Variants in COG5 observed in about 807,000 individuals in gnomAD.
COG5 encodes component of oligomeric golgi complex 5.
Under a neutral mutation model 110.4 loss-of-function variants are expected in COG5, and 86 were observed. That is an observed-to-expected ratio of 0.78 (90% CI 0.65 to 0.93). COG5 has a LOEUF of 0.93. Among genes scored for constraint, COG5 ranks in the 40% least tolerant of loss-of-function variants. The pLI, the probability that COG5 is intolerant of heterozygous loss-of-function variation, is 0.00. For synonymous variants in COG5, 360 were observed against 334.6 expected, an observed-to-expected ratio of 1.08 and a Z score of -0.83; for missense variants, 1,077 against 987.0, an observed-to-expected ratio of 1.09 and a Z score of -1.22.
chr7:107,363,822 T>C (rs1017688395), intron 8 of COG5, among the ~76,000 whole-genome samples: 2 of 151,818 alleles, frequency 1.3e-5, no homozygotes, highest in Admixed American at 6.6e-5. Context: ...AGGCATGGTG[T>C]TGCATGCCTG....
At chr7:107,456,751 A>T (rs1217820009) in intron 6 of COG5, among the ~76,000 whole-genome samples, 1 of 152,190 alleles carries the variant, frequency 6.6e-6, no homozygotes, top group Non-Finnish European at 1.5e-5. Flanking sequence ...ACTACCAGAA[A>T]ATCTGCAAAA....
At chr7:107,208,978 TAGC>T (rs1163639937) in intron 21 of COG5, 1 of 977,380 alleles carries the variant, frequency 1.0e-6, no homozygotes, top group Non-Finnish European at 1.2e-6. Flanking sequence ...GAAATCCTGA[TAGC>T]AGGCCTACCC....
Position 107,328,419 on chromosome 7 carries a change from C to A in COG5, c.1027-3898G>T, listed in dbSNP as rs927617465. 2.3e-4 allele frequency among the ~76,000 whole-genome samples: 35 copies of A among 152,250 alleles called. 1 individual carries two copies. The highest frequency in any genetic ancestry group is 7.5e-4 in the African/African-American group (31 of 41,548). ...ATTATGTGGTGTATGACTGTACTTA[C>A]AATAGAACACTCTTCAGTCTTAAAA... On this transcript the variant is annotated intron_variant, in intron 10 of 21. Transcript: ENST00000297135.
chr7:107,553,781 GA>G, intron 3 of COG5, among the ~76,000 whole-genome samples: 1 of 151,822 alleles, frequency 6.6e-6, no homozygotes, highest in Non-Finnish European at 1.5e-5. Flanking sequence ...GCAAAAATAA[GA>G]AAAAAAATTC....
At chr7:107,312,795 G>A (rs1808395101) in intron 11 of COG5, among the ~76,000 whole-genome samples, 1 of 145,414 alleles carries the variant, frequency 6.9e-6, no homozygotes, top group African/African-American at 2.4e-5. Context: ...AATTAAAGAA[G>A]GCTTATCTAT....
Position 107,474,520 on chromosome 7 carries a change from A to G in COG5, c.538+52717T>C, listed in dbSNP as rs1478120886. The G allele has an allele frequency of 3.1e-6, 5 of 1,612,478 alleles. No homozygotes were observed. The highest frequency in any genetic ancestry group is 1.3e-5 in the African/African-American group (1 of 74,866). On this transcript the variant is annotated intron_variant, in intron 6 of 21. Transcript: ENST00000297135. The surrounding 1 kb of genome is among the most constrained non-coding windows in gnomAD (Gnocchi z 5.7). ...AAAACCTGCAAACCGAATTCTGACA[A>G]TGGGCAGAGCTGTAATGTTAATGAT...
At chr7:107,261,425 TAATAAG>T (rs1803340005) in intron 14 of COG5, among the ~76,000 whole-genome samples, 1 of 152,182 alleles carries the variant, frequency 6.6e-6, no homozygotes, top group South Asian at 2.1e-4. Flanking sequence ...GTGTATTTCC[TAATAAG>T]AATATTTTCT....
intron 10 of COG5, among the ~76,000 whole-genome samples, chr7:107,334,330 T>A (rs544192915): frequency 6.6e-6 from 1 of 152,204 alleles, no homozygotes; most frequent in South Asian, 2.1e-4. Flanking sequence ...TTTCCACTCA[T>A]AAGCAGAAGC....
At chr7:107,485,524 A>C (rs117830087) in intron 6 of COG5, among the ~76,000 whole-genome samples, 1 of 152,310 alleles carries the variant, frequency 6.6e-6, no homozygotes, top group Non-Finnish European at 1.5e-5. Context: ...AGCTTCTCAA[A>C]CTACATAAAT....
chr7:107,272,939 A>C (rs73187336), intron 14 of COG5, among the ~76,000 whole-genome samples: 6,178 of 152,316 alleles, frequency 0.041, 191 homozygotes, highest in Non-Finnish European at 0.06. Flanking sequence ...TCTAAGATTC[A>C]AACAAGCTTG....
At chr7:107,413,991 T>C (rs1458206018) in intron 6 of COG5, among the ~76,000 whole-genome samples, 1 of 152,158 alleles carries the variant, frequency 6.6e-6, no homozygotes, top group East Asian at 1.9e-4. Flanking sequence ...CACAGTCTTT[T>C]CAGTAGATAA....
intron 5 of COG5, among the ~76,000 whole-genome samples, chr7:107,546,095 C>CA (rs938974706): frequency 4.0e-5 from 6 of 151,194 alleles, no homozygotes; most frequent in Admixed American, 6.6e-5. Context: ...AAAAATTTCT[C>CA]AAAAAAAATA....
chr7:107,392,178 T>C (rs912435373), intron 7 of COG5, among the ~76,000 whole-genome samples: 1 of 152,184 alleles, frequency 6.6e-6, no homozygotes, highest in African/African-American at 2.4e-5. Flanking sequence ...TGCCCAGGTG[T>C]TCCTTGCACA....
chr7:107,322,270 G>C (rs552893891), intron 11 of COG5, among the ~76,000 whole-genome samples: 34 of 152,304 alleles, frequency 2.2e-4, no homozygotes, highest in African/African-American at 7.9e-4. Flanking sequence ...TTACAAAAGA[G>C]GCTCAGATAG....
chr7:107,301,692 A>AACTCC (rs1807281734), intron 11 of COG5, among the ~76,000 whole-genome samples: 2 of 152,082 alleles, frequency 1.3e-5, no homozygotes, highest in East Asian at 1.9e-4. Flanking sequence ...AACATGGTGA[A>AACTCC]ACTCCATCTC....
At chr7:107,546,923 T>C (rs924331690) in intron 5 of COG5, among the ~76,000 whole-genome samples, 55 of 152,272 alleles carry the variant, frequency 3.6e-4, no homozygotes, top group African/African-American at 1.3e-3. Flanking sequence ...ACTTGATGGC[T>C]TTACTGTTGA....
At chr7:107,310,737 A>G (rs1056166990) in intron 11 of COG5, among the ~76,000 whole-genome samples, 2 of 152,178 alleles carry the variant, frequency 1.3e-5, no homozygotes, top group Non-Finnish European at 2.9e-5. Flanking sequence ...AGGTGCTAAC[A>G]CTAAGACATC....
chr7:107,345,741 C>A (rs545831318), intron 10 of COG5, among the ~76,000 whole-genome samples: 1 of 152,028 alleles, frequency 6.6e-6, no homozygotes. Context: ...TAAACTAATT[C>A]TTTTATCACA....
chr7:107,317,396 C>A (rs1367804519), intron 11 of COG5, among the ~76,000 whole-genome samples: 2 of 152,114 alleles, frequency 1.3e-5, no homozygotes, highest in East Asian at 3.9e-4. Context: ...CAGCAAAGCA[C>A]TGATCAGCAT....
Sources: allele counts gnomAD v4.1 joint callset (sites outside exome capture counted in the v4.1 genomes callset), GRCh38; gene constraint gnomAD v4.1.1; non-coding constraint Gnocchi (gnomAD v3.1); transcripts MANE v1.5; gene names NCBI Gene and HGNC (gene_info 2026-07-23, HGNC 2026-07-21).